Variants in DACH1 observed in about 807,000 individuals in gnomAD.
The protein encoded by DACH1 is dachshund family transcription factor 1.
DACH1 carries 12 observed loss-of-function variants against 54.2 expected under a neutral mutation model. The ratio of observed to expected loss-of-function variants is 0.22; its 90% CI spans 0.14 to 0.36. DACH1 has a LOEUF of 0.36. DACH1 is among the 10% of genes least tolerant of loss of function. The pLI, the probability that DACH1 is intolerant of heterozygous loss-of-function variation, is 1.00. For synonymous variants in DACH1, 386 were observed against 366.2 expected (o/e 1.05, Z -0.62); for missense variants, 805 against 929.8 (o/e 0.87, Z 1.75).
At position 71,866,217 on chromosome 13, in the gene DACH1, T is replaced by C. The variant is rs1166162503; in HGVS notation, c.553A>G (p.Asn185Asp). Residue 185 changes from asparagine (N) to aspartate (D), a missense_variant, in exon 1 of 11, where the codon AAT (asparagine) becomes GAT (aspartate). Transcript: ENST00000613252. ...AGATCCACCATTTTGCACTCATTAT[T>C]CTGAGGGGTGTTTTCCACTGGGGAC... is the stretch of plus-strand genomic sequence containing the variant. ...TPSPVENTPQ[N>D]NECKMVDLRG... 6.2e-7 allele frequency: 1 copy of C among 1,612,826 alleles called. No homozygotes were observed. Among genetic ancestry groups the C allele is most frequent in the Non-Finnish European group, 8.5e-7 (1 of 1,179,474 alleles).
chr13:71,801,863 A>C (rs1258774072), intron 1 of DACH1, among the ~76,000 whole-genome samples: 1 of 152,044 alleles, frequency 6.6e-6, no homozygotes, highest in Non-Finnish European at 1.5e-5. Context: ...AAAAAAAAAA[A>C]AACTTCCAAA....
At chr13:71,849,616 A>G (rs1873529517) in intron 1 of DACH1, among the ~76,000 whole-genome samples, 2 of 152,142 alleles carry the variant, frequency 1.3e-5, no homozygotes, top group South Asian at 4.1e-4. Flanking sequence ...AAGAAGTTGA[A>G]CCTGCTGGCC....
chr13:71,717,684 GA>G (rs775453524), intron 1 of DACH1, among the ~76,000 whole-genome samples: 14 of 149,740 alleles, frequency 9.3e-5, no homozygotes, highest in African/African-American at 2.9e-4. Context: ...AAAGTCGATG[GA>G]AAAAAAAATC....
intron 3 of DACH1, among the ~76,000 whole-genome samples, chr13:71,617,702 C>T (rs1160375676): frequency 1.3e-5 from 2 of 152,084 alleles, no homozygotes; most frequent in African/African-American, 2.4e-5. Context: ...CACCACATTA[C>T]AAAATTAATA....
intron 1 of DACH1, among the ~76,000 whole-genome samples, chr13:71,755,162 AG>A (rs1885092159): frequency 6.6e-6 from 1 of 152,192 alleles, no homozygotes; most frequent in Admixed American, 6.5e-5. Context: ...CCCCACCTTT[AG>A]TAGCTTTAAT....
At chr13:71,455,612 G>A (rs1308483317) in intron 10 of DACH1, among the ~76,000 whole-genome samples, 1 of 151,996 alleles carries the variant, frequency 6.6e-6, no homozygotes, top group African/African-American at 2.4e-5. Flanking sequence ...GATGGACTGC[G>A]ACAGAACTTA....
At chr13:71,605,246 T>A (rs1211636665) in intron 3 of DACH1, among the ~76,000 whole-genome samples, 3 of 151,912 alleles carry the variant, frequency 2.0e-5, no homozygotes, top group Non-Finnish European at 4.4e-5. Flanking sequence ...ATAATTACAT[T>A]TTTTAAATAT....
intron 7 of DACH1, 77 bp downstream of exon 7, chr13:71,488,920 C>G (rs1046744342): frequency 2.9e-6 from 4 of 1,364,928 alleles, no homozygotes; most frequent in Non-Finnish European, 3.0e-6. Flanking sequence ...TAAGTAGGAA[C>G]AGTATAAATT....
At chr13:71,748,104 C>T (rs1366359592) in intron 1 of DACH1, among the ~76,000 whole-genome samples, 1 of 151,924 alleles carries the variant, frequency 6.6e-6, no homozygotes, top group African/African-American at 2.4e-5. Context: ...TTATTACTTA[C>T]TGGCCAGCTT....
At chr13:71,806,824 T>A (rs1887525291) in intron 1 of DACH1, among the ~76,000 whole-genome samples, 1 of 152,210 alleles carries the variant, frequency 6.6e-6, no homozygotes, top group South Asian at 2.1e-4. Context: ...TTATTTAAAT[T>A]AGATCCAAAG....
chr13:71,838,935 T>C (rs1298418464), intron 1 of DACH1, among the ~76,000 whole-genome samples: 1 of 152,196 alleles, frequency 6.6e-6, no homozygotes, highest in Non-Finnish European at 1.5e-5. Flanking sequence ...TTCATTTTTA[T>C]TCAGTGGTAT....
At chr13:71,459,472 A>ATAACT (rs1008429216) in intron 10 of DACH1, among the ~76,000 whole-genome samples, 46 of 152,092 alleles carry the variant, frequency 3.0e-4, no homozygotes, top group African/African-American at 1.1e-3. Flanking sequence ...AGGTTTCATT[A>ATAACT]TAACTTAAAT....
At chr13:71,670,850 T>A (rs992517670) in intron 2 of DACH1, among the ~76,000 whole-genome samples, 1 of 151,974 alleles carries the variant, frequency 6.6e-6, no homozygotes, top group African/African-American at 2.4e-5. Context: ...TTTGATGTAA[T>A]AAAAAGATTA....
chr13:71,674,019 T>C (rs1305165657), intron 2 of DACH1, among the ~76,000 whole-genome samples: 1 of 152,208 alleles, frequency 6.6e-6, no homozygotes, highest in Non-Finnish European at 1.5e-5. Context: ...AGTGTTTAAA[T>C]TTGTAATTGT....
At chr13:71,834,527 A>G (rs1888707874) in intron 1 of DACH1, among the ~76,000 whole-genome samples, 1 of 152,066 alleles carries the variant, frequency 6.6e-6, no homozygotes, top group Non-Finnish European at 1.5e-5. Flanking sequence ...ATCACTATCT[A>G]TATAAAAGAA....
intron 3 of DACH1, among the ~76,000 whole-genome samples, chr13:71,579,561 T>A (rs7321975): frequency 6.6e-6 from 1 of 151,974 alleles, no homozygotes; most frequent in Non-Finnish European, 1.5e-5. Flanking sequence ...TGGATAATTA[T>A]GAAAAACAAA....
intron 6 of DACH1, among the ~76,000 whole-genome samples, chr13:71,544,541 T>C (rs1332933407): frequency 6.6e-6 from 1 of 152,100 alleles, no homozygotes; most frequent in Non-Finnish European, 1.5e-5. Flanking sequence ...AAGAAATCAT[T>C]TACTGTGATT....
chr13:71,575,115 T>C (rs961414593), intron 3 of DACH1, among the ~76,000 whole-genome samples: 1 of 152,070 alleles, frequency 6.6e-6, no homozygotes, highest in Admixed American at 6.6e-5. Context: ...GGATTTGATT[T>C]GGTCAAATGT....
intron 7 of DACH1, among the ~76,000 whole-genome samples, chr13:71,481,654 C>T (rs1339364268): frequency 2.6e-5 from 4 of 151,944 alleles, no homozygotes; most frequent in Non-Finnish European, 5.9e-5. Context: ...AGTAGGAGTC[C>T]AGTGTGAACA....
Sources: allele counts gnomAD v4.1 joint callset (sites outside exome capture counted in the v4.1 genomes callset), GRCh38; gene constraint gnomAD v4.1.1; transcripts MANE v1.5; gene names NCBI Gene and HGNC (gene_info 2026-07-23, HGNC 2026-07-21).